Variants in RELL2 observed in about 807,000 individuals in gnomAD.
RELL2 encodes the protein RELT-like protein 2.
Under a neutral mutation model 27.5 loss-of-function variants are expected in RELL2, and 18 were observed. The ratio of observed to expected loss-of-function variants is 0.65; its 90% CI spans 0.45 to 0.97. RELL2 has a LOEUF of 0.97. Ranked by LOEUF, RELL2 falls within the 50% of genes least tolerant of loss-of-function variation. The probability of loss-of-function intolerance (pLI) is 0.00; values close to 1 mark genes in which losing one functional copy is unlikely to be tolerated. For synonymous variants in RELL2, 156 were observed against 147.5 expected (o/e 1.06, Z -0.42); for missense variants, 370 against 397.5 (o/e 0.93, Z 0.59).
Position 141,641,023 on chromosome 5 carries a change from C to A in RELL2, c.*354C>A. The A allele has an allele frequency of 2.6e-6, 1 of 383,820 alleles. No individual in the cohort carries two copies. Among genetic ancestry groups the A allele is most frequent in the Non-Finnish European group, 4.7e-6 (1 of 214,902 alleles). The allele number at this position is 383,820 out of a possible 1,614,324, so 23.8% of individuals were successfully genotyped here. A position where few individuals can be genotyped will look rare whatever the true frequency, so the allele number is the denominator to read the frequency against. On this transcript the variant is annotated 3_prime_UTR_variant, in exon 7 of 7. Transcript: ENST00000297164. The stretch of plus-strand genomic sequence containing the variant: ...GAGGCCCAGGCCCTGGCCTGGCCTT[C>A]GTGCCCTTTATTCATTGTCAATAAA...
chr5:141,638,142 G>A lies in RELL2; in HGVS notation c.-84G>A, dbSNP rs1435652036. The A allele has an allele frequency of 1.6e-5, 13 of 831,392 alleles. No individual in the cohort carries two copies. The Admixed American group carries it at 2.2e-4, about 14-fold the overall frequency. 51.5% of individuals were successfully genotyped at this position (831,392 alleles called of 1,614,324 possible). ...CGTGCTTGTTTCAGATCCTGAGGAC[G>A]GCATTCCTACCCCTCCCCCATTCCC... is the stretch of plus-strand genomic sequence containing the variant. On this transcript the variant is annotated 5_prime_UTR_variant, in exon 1 of 7. Transcript: ENST00000297164.
In RELL2 at chr5:141,638,334, C is replaced by G. The variant is rs933943713; in HGVS notation, c.109C>G (p.His37Asp). ...GGGCCTGGTAGGCTTCATGATCTGC[C>G]ACGTGCTCAAGAAGAAGGGCTACCG... is the stretch of plus-strand genomic sequence containing the variant. ...LMGLVGFMIC[H>D]VLKKKGYRCR... is the part of the protein sequence containing the mutation. Residue 37 changes from histidine (H) to aspartate (D), a missense_variant, in exon 1 of 7, where the codon CAC becomes GAC. His to Asp is a moderately conservative substitution (Grantham distance 81). Transcript: ENST00000297164. 6.2e-7 allele frequency: 1 copy of G among 1,613,874 alleles called. No homozygotes were observed. The highest frequency in any genetic ancestry group is 1.3e-5 in the African/African-American group (1 of 74,896).
Position 141,638,008 on chromosome 5 carries a change from A to G in RELL2, c.-218A>G. 1 of 524,300 alleles carries G rather than the reference A, an allele frequency of 1.9e-6. No homozygotes were observed. The allele number at this position is 524,300 out of a possible 1,614,324, so 32.5% of individuals were successfully genotyped here. ...AAGCGGGACCAGGGTCGTGGTAGAG[A>G]GCTTGCGTTGCCGCTGACCTCTTGC... On this transcript the variant is annotated 5_prime_UTR_variant, in exon 1 of 7. Coordinates refer to ENST00000297164, the MANE Select transcript of RELL2 (RefSeq NM_173828.5).
intron 1 of RELL2, 78 bp from the exon 2 acceptor site, chr5:141,638,717 A>C (rs775499244): frequency 1.7e-5 from 21 of 1,255,556 alleles, no homozygotes; most frequent in Non-Finnish European, 2.0e-5. Context: ...CTAAGCAATA[A>C]ATGATGGGAG....
chr5:141,638,526 G>A (rs962900172), intron 1 of RELL2, 117 bp downstream of exon 1: 1 of 998,840 alleles, frequency 1.0e-6, no homozygotes, highest in African/African-American at 1.6e-5. Context: ...AGGAAGCCTA[G>A]TGATGCACTC....
chr5:141,639,523 T>G lies in RELL2; in HGVS notation c.377T>G (p.Leu126Arg). ...GAPSHHHTVH[L>R]GSAAPCLHCS... ...CCCTCCCATCATCACACAGTGCACC[T>G]GGGCTCTGCAGCCCCTTGCCTCCAT... Residue 126 changes from leucine (L) to arginine (R), a missense_variant, in exon 4 of 7, where the codon CTG becomes CGG. By Grantham distance (102) the Leu-to-Arg change is moderately radical (BLOSUM62 -2). Transcript: ENST00000297164. The surrounding 1 kb of genome is among the most constrained non-coding windows in gnomAD (Gnocchi z 4.4). The G allele has an allele frequency of 6.2e-7, 1 of 1,613,946 alleles. No homozygotes were observed. Among genetic ancestry groups the G allele is most frequent in the South Asian group, 1.1e-5 (1 of 91,080 alleles).
intron 1 of RELL2, 80 bp downstream of exon 1, chr5:141,638,489 CA>C: frequency 7.4e-7 from 1 of 1,358,732 alleles, no homozygotes; most frequent in Non-Finnish European, 1.0e-6. Flanking sequence ...CCAACAGACC[CA>C]GGCCAAATCC....
chr5:141,639,745 A>T lies in RELL2; in HGVS notation c.503+96A>T. The T allele has an allele frequency of 7.4e-7, 1 of 1,355,174 alleles. No homozygotes were observed. The highest frequency in any genetic ancestry group is 1.0e-6 in the Non-Finnish European group (1 of 979,882). 83.9% of individuals were successfully genotyped at this position (1,355,174 alleles called of 1,614,324 possible). On this transcript the variant is annotated intron_variant, in intron 4 of 6. Coordinates refer to ENST00000297164, the MANE Select transcript of RELL2 (RefSeq NM_173828.5). This position sits in a 1 kb window ranked among gnomAD's most constrained non-coding sequence, Gnocchi z 4.4. ...GTGGGCCTTGGCTCTTTCCTCCTGG[A>T]CTGGGAGCTCCGGCAGAAGTCAGGC... is the stretch of plus-strand genomic sequence containing the variant.
chr5:141,639,067 G>A lies in RELL2; in HGVS notation c.317+46G>A, dbSNP rs754088739. 4 of 1,530,558 alleles carry A rather than the reference G, an allele frequency of 2.6e-6. No individual in the cohort carries two copies. Among genetic ancestry groups the A allele is most frequent in the Non-Finnish European group, 3.6e-6 (4 of 1,111,938 alleles). 94.8% of individuals were successfully genotyped at this position (1,530,558 alleles called of 1,614,324 possible). A position where few individuals can be genotyped will look rare whatever the true frequency, so the allele number is the denominator to read the frequency against. On this transcript the variant is annotated intron_variant, in intron 3 of 6. Transcript: ENST00000297164. The surrounding 1 kb of genome is among the most constrained non-coding windows in gnomAD (Gnocchi z 4.4). The stretch of plus-strand genomic sequence containing the variant: ...AGCATGACTTAGCTTGCCTTGGAGA[G>A]TATCCTCTCCTCCAGCACAATCCTC...
In RELL2 at chr5:141,637,425, C is replaced by T. The variant is rs1165559583; in HGVS notation, c.-801C>T. On this transcript the variant is annotated 5_prime_UTR_variant, in exon 1 of 7. Transcript: ENST00000297164. ...CGCCCCGCACACCTGCGCTCCGCCCCCTGGTCCTGGGCCCGCGACGGGTGA... is the reference window on the plus strand; with the variant it reads ...CGCCCCGCACACCTGCGCTCCGCCCTCTGGTCCTGGGCCCGCGACGGGTGA... 3 of 152,388 alleles carry T rather than the reference C, an allele frequency of 2.0e-5. No homozygotes were observed. The highest frequency in any genetic ancestry group is 7.2e-5 in the African/African-American group (3 of 41,480). 9.4% of individuals were successfully genotyped at this position (152,388 alleles called of 1,614,324 possible). A position where few individuals can be genotyped will look rare whatever the true frequency, so the allele number is the denominator to read the frequency against.
Position 141,639,204 on chromosome 5 carries a change from GA to G in RELL2, c.317+184del. 1.6e-6 allele frequency: 1 copy of G among 626,084 alleles called. No individual in the cohort carries two copies. The highest frequency in any genetic ancestry group is 2.8e-6 in the Non-Finnish European group (1 of 360,098). The allele number at this position is 626,084 out of a possible 1,614,324, so 38.8% of individuals were successfully genotyped here. On this transcript the variant is annotated intron_variant, in intron 3 of 6. Transcript: ENST00000297164. This position sits in a 1 kb window ranked among gnomAD's most constrained non-coding sequence, Gnocchi z 4.4. ...TCCTTCAAACCATCTCTCTCATCTA[GA>G]TATCATCAAGCCTAACATTCACCTC...
Position 141,639,202 on chromosome 5 carries a change from TA to T in RELL2, c.317+182del. ...ATTCCTTCAAACCATCTCTCTCATC[TA>T]GATATCATCAAGCCTAACATTCACC... On this transcript the variant is annotated intron_variant, in intron 3 of 6. Transcript: ENST00000297164. This position sits in a 1 kb window ranked among gnomAD's most constrained non-coding sequence, Gnocchi z 4.4. The T allele has an allele frequency of 1.6e-6, 1 of 627,590 alleles. No individual in the cohort carries two copies. Among genetic ancestry groups the T allele is most frequent in the Non-Finnish European group, 2.8e-6 (1 of 361,126 alleles). The allele number at this position is 627,590 out of a possible 1,614,324, so 38.9% of individuals were successfully genotyped here. A position where few individuals can be genotyped will look rare whatever the true frequency, so the allele number is the denominator to read the frequency against.
rs1349933420 is a variant in RELL2, at chr5:141,639,593, C to G, written c.447C>G (p.Ser149=). 6.2e-7 allele frequency: 1 copy of G among 1,613,768 alleles called. No individual in the cohort carries two copies. Among genetic ancestry groups the G allele is most frequent in the East Asian group, 2.2e-5 (1 of 44,876 alleles). ...KRPPLVRQGR[S]KEGKSRPRTG... Reference sequence around the variant, plus strand: ...CTCCACTTGTCCGTCAGGGACGCTCCAAGGAAGGAAAAAGCCGCCCCCGGA... The same window carrying G: ...CTCCACTTGTCCGTCAGGGACGCTCGAAGGAAGGAAAAAGCCGCCCCCGGA... The change falls in exon 4 of 7, where the codon TCC becomes TCG. Residue 149 remains serine (S), a synonymous_variant. Transcript: ENST00000297164. The surrounding 1 kb of genome is among the most constrained non-coding windows in gnomAD (Gnocchi z 4.4).
Position 141,639,967 on chromosome 5 carries a change from G to T in RELL2, c.551G>T (p.Arg184Leu), listed in dbSNP as rs368350946. Residue 184 changes from arginine to leucine, a missense_variant, in exon 5 of 7, where the codon CGT becomes CTT. Transcript: ENST00000297164. This position sits in a 1 kb window ranked among gnomAD's most constrained non-coding sequence, Gnocchi z 4.4. Reference protein sequence around the residue: ...IEKRYGLHEHRDGSPTDRSWG... With the variant: ...IEKRYGLHEHLDGSPTDRSWG... ...AAGCGCTATGGACTGCACGAACACC[G>T]TGATGGCTCCCCCACAGACAGGAGC... 1.2e-6 allele frequency: 2 copies of T among 1,613,872 alleles called. No homozygotes were observed. The highest frequency in any genetic ancestry group is 3.3e-5 in the Admixed American group (2 of 59,998).
chr5:141,640,394 C>A lies in RELL2; in HGVS notation c.880-18C>A, dbSNP rs951764332. 6.2e-7 allele frequency: 1 copy of A among 1,614,174 alleles called. No homozygotes were observed. Among genetic ancestry groups the A allele is most frequent in the Non-Finnish European group, 8.5e-7 (1 of 1,180,010 alleles). On this transcript the variant is annotated intron_variant, in intron 5 of 6. Transcript: ENST00000297164. ...CTACTCCTGGTCTCTCATTGTTGACCCCTCCCCTTTCTCTCAGGTGTCTCT... is the reference window on the plus strand; with the variant it reads ...CTACTCCTGGTCTCTCATTGTTGACACCTCCCCTTTCTCTCAGGTGTCTCT...
In RELL2 at chr5:141,640,019, A is replaced by G. The variant is rs202176294; in HGVS notation, c.603A>G (p.Pro201=). Residue 201 remains proline (P), a synonymous_variant, in exon 5 of 7, where the codon CCA becomes CCG. Transcript: ENST00000297164. ...RSWGSGGGQD[P]GGGQGSGGGQ... ...GGGGCTCTGGTGGGGGACAGGACCC[A>G]GGGGGTGGTCAGGGGTCTGGGGGAG... is the stretch of plus-strand genomic sequence containing the variant. 7 of 1,613,232 alleles carry G rather than the reference A, an allele frequency of 4.3e-6. No individual in the cohort carries two copies. The highest frequency in any genetic ancestry group is 5.9e-6 in the Non-Finnish European group (7 of 1,179,652).
chr5:141,638,875 G>T lies in RELL2; in HGVS notation c.250+15G>T. 1 of 1,613,572 alleles carries T rather than the reference G, an allele frequency of 6.2e-7. No homozygotes were observed. The highest frequency in any genetic ancestry group is 8.5e-7 in the Non-Finnish European group (1 of 1,179,478). On this transcript the variant is annotated intron_variant, in intron 2 of 6. Coordinates refer to ENST00000297164, the MANE Select transcript of RELL2 (RefSeq NM_173828.5). Reference sequence around the variant, plus strand: ...CCAGAATGAAGGTGGGTCTAGCATAGCCCCTTGCTCCCTCTTCTCCAACCT... The same window carrying T: ...CCAGAATGAAGGTGGGTCTAGCATATCCCCTTGCTCCCTCTTCTCCAACCT...
At chr5:141,640,546 G>A (rs2099906738) in intron 6 of RELL2, 101 bp downstream of exon 6, 1 of 1,588,462 alleles carries the variant, frequency 6.3e-7, no homozygotes, top group East Asian at 2.3e-5. Context: ...GTAAACTGCA[G>A]GCTTAGCCTT....
chr5:141,640,143 A>G lies in RELL2; in HGVS notation c.727A>G (p.Arg243Gly), dbSNP rs1042238956. 1.5e-5 allele frequency: 25 copies of G among 1,614,126 alleles called. No homozygotes were observed. Among genetic ancestry groups the G allele is most frequent in the Non-Finnish European group, 2.1e-5 (25 of 1,179,990 alleles). Residue 243 changes from arginine (R) to glycine (G), a missense_variant, in exon 5 of 7, where the codon AGG (arginine) becomes GGG (glycine). By Grantham distance (125) the Arg-to-Gly change is moderately radical. Coordinates refer to ENST00000297164, the MANE Select transcript of RELL2 (RefSeq NM_173828.5). ...ASPPVQNGGLRDSSLTPRALE... is the reference protein window; with the variant it reads ...ASPPVQNGGLGDSSLTPRALE... ...CCCCCCAGTACAGAATGGAGGACTC[A>G]GGGACAGCAGCCTAACCCCTCGTGC... is the stretch of plus-strand genomic sequence containing the variant.
Sources: gnomAD v4.1 joint callset for allele counts on GRCh38, gnomAD v4.1.1 for gene constraint, Gnocchi (gnomAD v3.1) non-coding constraint, MANE v1.5 for transcripts, NCBI Gene and HGNC (gene_info 2026-07-23, HGNC 2026-07-21) for gene names.